DHRSX: variants seen among roughly 807,000 people sequenced by gnomAD.
DHRSX encodes dehydrogenase/reductase X-linked, also known as polyprenol dehydrogenase.
DHRSX carries 31 observed loss-of-function variants against 34.0 expected under a neutral mutation model. The observed-to-expected ratio is 0.91, with a 90% CI of 0.69 to 1.23. The LOEUF (loss-of-function observed/expected upper bound fraction) is 1.23, where lower values mean the gene tolerates loss of function less well. Ranked by LOEUF, DHRSX falls within the 50% of genes most tolerant of loss-of-function variation. The pLI is 0.00. For synonymous variants in DHRSX, 201 were observed against 183.8 expected (o/e 1.09, Z -0.76); for missense variants, 414 against 428.1 (o/e 0.97, Z 0.29).
At chrX:2,262,384 TCACGCACCTTATCTGTGCACACTGG>T in intron 5 of DHRSX, among the ~76,000 whole-genome samples, 1 of 151,366 alleles carries the variant, frequency 6.6e-6, no homozygotes, top group Non-Finnish European at 1.5e-5. Flanking sequence ...ACACGAGCAC[TCACGCACCTTATCTGTGCACACTGG>T]CACGCACCTC....
intron 3 of DHRSX, among the ~76,000 whole-genome samples, chrX:2,329,887 C>G (rs1234985930): frequency 3.3e-5 from 5 of 151,970 alleles, no homozygotes; most frequent in Admixed American, 3.3e-4. Flanking sequence ...CAGCTCATGC[C>G]TGCACTTTCA....
At chrX:2,399,943 G>A (rs917644687) in intron 3 of DHRSX, among the ~76,000 whole-genome samples, 3 of 151,890 alleles carry the variant, frequency 2.0e-5, no homozygotes, top group African/African-American at 7.3e-5. Context: ...GGAGGCTGGG[G>A]TAGGAAGTTT....
chrX:2,452,019 G>C (rs1156540085), intron 1 of DHRSX, among the ~76,000 whole-genome samples: 1 of 151,790 alleles, frequency 6.6e-6, no homozygotes, highest in Non-Finnish European at 1.5e-5. Context: ...CCCTAAGTAT[G>C]TGGTTAAGGG....
chrX:2,452,350 T>C (rs1320151175), intron 1 of DHRSX, among the ~76,000 whole-genome samples: 1 of 151,308 alleles, frequency 6.6e-6, no homozygotes, highest in Admixed American at 6.6e-5. Context: ...AGACGTTCCC[T>C]AGGCATGTGG....
intron 3 of DHRSX, among the ~76,000 whole-genome samples, chrX:2,399,732 AAAAAAAAAAAC>A (rs1045322107): frequency 2.2e-5 from 3 of 139,032 alleles, no homozygotes; most frequent in Non-Finnish European, 3.1e-5. Flanking sequence ...AAGCAAAAAA[AAAAAAAAAAAC>A]AAAAAAACAC....
At chrX:2,313,749 C>T (rs138946933) in intron 3 of DHRSX, among the ~76,000 whole-genome samples, 3,279 of 152,204 alleles carry the variant, frequency 0.022, 104 homozygotes, top group African/African-American at 0.068. Flanking sequence ...TGAGTGACCA[C>T]GGCCCGTGAC....
chrX:2,402,224 C>G (rs1020166644), intron 3 of DHRSX, among the ~76,000 whole-genome samples: 1 of 152,254 alleles, frequency 6.6e-6, no homozygotes, highest in African/African-American at 2.4e-5. Context: ...CGGGGTTACC[C>G]GATGCCGGGA....
chrX:2,452,024 T>C (rs1188559400), intron 1 of DHRSX, among the ~76,000 whole-genome samples: 3 of 150,464 alleles, frequency 2.0e-5, no homozygotes, highest in Admixed American at 2.0e-4. Context: ...AGTATGTGGT[T>C]AAGGGACTGC....
intron 1 of DHRSX, among the ~76,000 whole-genome samples, chrX:2,445,334 A>G (rs2044116294): frequency 6.6e-6 from 1 of 152,178 alleles, no homozygotes; most frequent in Admixed American, 6.5e-5. Flanking sequence ...GGATTTTTAT[A>G]TAAGCCCACG....
At chrX:2,370,438 C>T (rs2043043610) in intron 3 of DHRSX, among the ~76,000 whole-genome samples, 1 of 152,060 alleles carries the variant, frequency 6.6e-6, no homozygotes, top group Non-Finnish European at 1.5e-5. Context: ...TCCCAAAGTG[C>T]TGGGATGACA....
chrX:2,301,693 C>G (rs188336096), intron 3 of DHRSX, among the ~76,000 whole-genome samples: 2 of 151,684 alleles, frequency 1.3e-5, no homozygotes, highest in Admixed American at 1.3e-4. Flanking sequence ...GGCTGAAGTG[C>G]GGTGGTGCGA....
chrX:2,282,812 AAGAGAGAG>A (rs201921499), intron 4 of DHRSX, among the ~76,000 whole-genome samples: 4 of 83,112 alleles, frequency 4.8e-5, no homozygotes, highest in Admixed American at 2.4e-4. Context: ...AGAAGAGAGA[AAGAGAGAG>A]AGGGAGAGAG....
chrX:2,462,992 T>C (rs1322411399), intron 1 of DHRSX, among the ~76,000 whole-genome samples: 1 of 152,070 alleles, frequency 6.6e-6, no homozygotes, highest in Non-Finnish European at 1.5e-5. Context: ...ATAGGATCAC[T>C]GTCCTTATAA....
intron 1 of DHRSX, among the ~76,000 whole-genome samples, chrX:2,479,498 C>G (rs188768802): frequency 9.2e-5 from 14 of 151,418 alleles, no homozygotes; most frequent in South Asian, 2.1e-4. Context: ...CCACCGTGTA[C>G]GCACTGAAGA....
chrX:2,380,352 T>TA (rs34993427), intron 3 of DHRSX, among the ~76,000 whole-genome samples: 193 of 131,580 alleles, frequency 1.5e-3, no homozygotes, highest in South Asian at 4.9e-3. Flanking sequence ...TGAGATGTCT[T>TA]AAAAAAAAAA....
intron 5 of DHRSX, among the ~76,000 whole-genome samples, chrX:2,248,429 T>G (rs1423595183): frequency 1.1e-4 from 5 of 47,284 alleles, no homozygotes; most frequent in Non-Finnish European, 4.1e-4. Context: ...CGAGACTCTG[T>G]CTCAAAAAAA....
chrX:2,286,881 A>G (rs1488165343), intron 4 of DHRSX, among the ~76,000 whole-genome samples: 1 of 152,196 alleles, frequency 6.6e-6, no homozygotes, highest in Non-Finnish European at 1.5e-5. Context: ...TCAAGCCATC[A>G]TCTTGTAACA....
chrX:2,244,738 G>C (rs181839624), intron 5 of DHRSX, among the ~76,000 whole-genome samples: 6 of 151,700 alleles, frequency 4.0e-5, no homozygotes, highest in Non-Finnish European at 8.8e-5. Context: ...TTGAGACAGA[G>C]TCTTGCTCTG....
chrX:2,261,998 C>T (rs977019260), intron 5 of DHRSX, among the ~76,000 whole-genome samples: 1 of 152,154 alleles, frequency 6.6e-6, no homozygotes, highest in African/African-American at 2.4e-5. Context: ...GCAAGTGCTG[C>T]TGGCTGTGCC....
Sources: gnomAD v4.1 joint callset for allele counts (sites outside exome capture counted in the v4.1 genomes callset) on GRCh38, gnomAD v4.1.1 for gene constraint, MANE v1.5 for transcripts, NCBI Gene and HGNC (gene_info 2026-07-23, HGNC 2026-07-21) for gene names.